NCKAP5: variants seen among roughly 807,000 people sequenced by gnomAD.
NCKAP5 encodes the protein NCK associated protein 5.
In NCKAP5, 92 loss-of-function variants were observed where a neutral mutation model predicts 167.0. The observed-to-expected ratio is 0.55, with a 90% CI of 0.47 to 0.66. The LOEUF (loss-of-function observed/expected upper bound fraction) is 0.66, where lower values mean the gene tolerates loss of function less well. Ranked by LOEUF, NCKAP5 falls within the 30% of genes least tolerant of loss-of-function variation. The pLI is 0.00. For synonymous variants in NCKAP5, 891 were observed against 877.4 expected (o/e 1.02, Z -0.27); for missense variants, 2,378 against 2,315.0 (o/e 1.03, Z -0.56).
the NCKAP5 span, among the ~76,000 whole-genome samples, chr2:133,665,075 G>T: frequency 1.3e-5 from 2 of 152,092 alleles, no homozygotes; most frequent in African/African-American, 4.8e-5. Flanking sequence ...TGGCTGGTTT[G>T]GTCTATCTTC....
intron 3 of NCKAP5, among the ~76,000 whole-genome samples, chr2:133,469,775 T>C (rs1575013167): frequency 6.6e-6 from 1 of 151,916 alleles, no homozygotes; most frequent in Admixed American, 6.6e-5. Flanking sequence ...CTTCCATTGC[T>C]GATACCCTTT....
chr2:133,600,555 G>C, the NCKAP5 span, among the ~76,000 whole-genome samples: 1 of 152,220 alleles, frequency 6.6e-6, no homozygotes, highest in African/African-American at 2.4e-5. Context: ...GGGAGCCCAG[G>C]AGTTGTCTAT....
the NCKAP5 span, among the ~76,000 whole-genome samples, chr2:133,619,770 T>C: frequency 3.3e-5 from 5 of 152,052 alleles, no homozygotes; most frequent in African/African-American, 1.2e-4. Flanking sequence ...GTAAATTCAT[T>C]GTAAAAAGAT....
At chr2:133,183,084 C>T (rs1044021921) in intron 5 of NCKAP5, among the ~76,000 whole-genome samples, 2 of 151,996 alleles carry the variant, frequency 1.3e-5, no homozygotes, top group African/African-American at 4.8e-5. Flanking sequence ...TTCCATGACC[C>T]TGTTAATAAT....
chr2:133,092,413 C>A (rs541692766), intron 6 of NCKAP5, among the ~76,000 whole-genome samples: 9 of 152,252 alleles, frequency 5.9e-5, no homozygotes, highest in South Asian at 4.1e-4. Context: ...TTCCCTAGAG[C>A]CTTCTGAAGG....
At chr2:132,947,711 C>A (rs1697861330) in intron 8 of NCKAP5, among the ~76,000 whole-genome samples, 1 of 152,086 alleles carries the variant, frequency 6.6e-6, no homozygotes, top group African/African-American at 2.4e-5. Context: ...CCTCCAGGAG[C>A]CCACCGTAGA....
chr2:132,717,377 G>T (rs539020146), intron 19 of NCKAP5, among the ~76,000 whole-genome samples: 1 of 152,124 alleles, frequency 6.6e-6, no homozygotes, highest in South Asian at 2.1e-4. Flanking sequence ...TTTGGATTTC[G>T]TTGAACCCAA....
At chr2:133,536,760 C>CT (rs1685795934) in intron 2 of NCKAP5, among the ~76,000 whole-genome samples, 1 of 151,508 alleles carries the variant, frequency 6.6e-6, no homozygotes, top group East Asian at 1.9e-4. Context: ...TTTCATGGGG[C>CT]TTTTTTTCTT....
At chr2:132,687,236 A>C in intron 19 of NCKAP5, among the ~76,000 whole-genome samples, 1 of 152,186 alleles carries the variant, frequency 6.6e-6, no homozygotes, top group East Asian at 1.9e-4. Context: ...AGTAAGTCAA[A>C]CCTTAGGGTC....
chr2:132,763,209 G>A (rs1046012654), intron 16 of NCKAP5, among the ~76,000 whole-genome samples: 6 of 152,164 alleles, frequency 3.9e-5, no homozygotes, highest in African/African-American at 1.2e-4. Flanking sequence ...AATCTCCATA[G>A]TCTATATATT....
At chr2:133,318,542 A>AT (rs1388562456) in intron 3 of NCKAP5, among the ~76,000 whole-genome samples, 2 of 152,214 alleles carry the variant, frequency 1.3e-5, no homozygotes, top group Non-Finnish European at 2.9e-5. Flanking sequence ...TTAGAAAGCC[A>AT]TTTTGTTCTG....
intron 8 of NCKAP5, among the ~76,000 whole-genome samples, chr2:132,928,609 T>G (rs144904470): frequency 1.3e-5 from 2 of 152,300 alleles, no homozygotes; most frequent in Non-Finnish European, 2.9e-5. Flanking sequence ...TATTAAAGTT[T>G]CATCTTCTTT....
chr2:133,219,433 A>G (rs10496699), intron 4 of NCKAP5, among the ~76,000 whole-genome samples: 50,457 of 152,158 alleles, frequency 0.33, 9,343 homozygotes, highest in Non-Finnish European at 0.41. Context: ...AATGCAACCT[A>G]TTAGATTATC....
At chr2:132,816,630 C>T (rs1377696690) in intron 11 of NCKAP5, among the ~76,000 whole-genome samples, 3 of 152,138 alleles carry the variant, frequency 2.0e-5, no homozygotes, top group African/African-American at 7.2e-5. Context: ...CCTCTCTGCT[C>T]ACCCACCTGA....
chr2:133,325,889 C>G (rs1448598962), intron 3 of NCKAP5, among the ~76,000 whole-genome samples: 2 of 152,162 alleles, frequency 1.3e-5, no homozygotes, highest in African/African-American at 4.8e-5. Context: ...GATATGACCC[C>G]CCTCTTAAAA....
chr2:133,576,385 AG>A, the NCKAP5 span, among the ~76,000 whole-genome samples: 2 of 152,372 alleles, frequency 1.3e-5, no homozygotes, highest in East Asian at 1.9e-4. Flanking sequence ...GTAAGCTTGA[AG>A]GGTACATGAA....
chr2:133,430,430 A>G (rs759232055), intron 3 of NCKAP5, among the ~76,000 whole-genome samples: 2 of 152,042 alleles, frequency 1.3e-5, no homozygotes, highest in Non-Finnish European at 2.9e-5. Context: ...TGGAGTCTTC[A>G]TCATAAATTC....
At chr2:133,234,460 T>C (rs1366802592) in intron 4 of NCKAP5, among the ~76,000 whole-genome samples, 2 of 152,214 alleles carry the variant, frequency 1.3e-5, no homozygotes, top group Admixed American at 1.3e-4. Context: ...CAAGTCTGCC[T>C]TGAAATACGG....
At chr2:133,558,497 G>C (rs1687910970) in intron 2 of NCKAP5, among the ~76,000 whole-genome samples, 1 of 151,750 alleles carries the variant, frequency 6.6e-6, no homozygotes, top group Non-Finnish European at 1.5e-5. Context: ...AGATGGTCCA[G>C]GACTACAGAA....
Sources: allele counts gnomAD v4.1 joint callset (sites outside exome capture counted in the v4.1 genomes callset), GRCh38; gene constraint gnomAD v4.1.1; transcripts MANE v1.5; gene names NCBI Gene and HGNC (gene_info 2026-07-23, HGNC 2026-07-21).